Variants in MAGI3 observed in about 807,000 individuals in gnomAD.
MAGI3 encodes the protein membrane-associated guanylate kinase, WW and PDZ domain-containing protein 3.
MAGI3 carries 43 observed loss-of-function variants against 121.8 expected under a neutral mutation model. The ratio of observed to expected loss-of-function variants is 0.35; its 90% CI spans 0.28 to 0.46. The LOEUF is 0.46. MAGI3 is among the 20% of genes least tolerant of loss of function. MAGI3 has a pLI of 1.00. For missense variants in MAGI3, 1,547 were observed against 1,797.3 expected (o/e 0.86, Z 2.52); for synonymous variants, 553 against 639.3 (o/e 0.86, Z 2.04).
chr1:113,640,551 A>G (rs560742858), intron 9 of MAGI3, among the ~76,000 whole-genome samples: 108 of 152,282 alleles, frequency 7.1e-4, no homozygotes, highest in African/African-American at 2.4e-3. Context: ...ATGCAGCCAT[A>G]AAAAGGAATG....
intron 2 of MAGI3, among the ~76,000 whole-genome samples, chr1:113,559,232 TG>T (rs1186926557): frequency 1.3e-5 from 2 of 152,316 alleles, no homozygotes; most frequent in Non-Finnish European, 2.9e-5. Flanking sequence ...ATGGGCTAAA[TG>T]CCCCAATTAA....
At chr1:113,497,272 G>C (rs1656972066) in intron 1 of MAGI3, among the ~76,000 whole-genome samples, 1 of 120,218 alleles carries the variant, frequency 8.3e-6, no homozygotes, top group Admixed American at 9.2e-5. Flanking sequence ...CGCAGAAGAC[G>C]GGTGATTTCT....
chr1:113,625,210 G>GT (rs763336433), intron 9 of MAGI3, among the ~76,000 whole-genome samples: 1 of 152,082 alleles, frequency 6.6e-6, no homozygotes, highest in African/African-American at 2.4e-5. Flanking sequence ...TTTCAGAATT[G>GT]TTTTTTCTAT....
At chr1:113,673,019 CTTGT>C (rs997397730) in intron 18 of MAGI3, among the ~76,000 whole-genome samples, 12 of 152,104 alleles carry the variant, frequency 7.9e-5, no homozygotes, top group African/African-American at 2.7e-4. Context: ...TTGTTTGTTA[CTTGT>C]TTGTTTCCAG....
At chr1:113,444,289 C>CAG (rs1175516854) in intron 1 of MAGI3, among the ~76,000 whole-genome samples, 3 of 152,184 alleles carry the variant, frequency 2.0e-5, no homozygotes, top group Admixed American at 6.5e-5. Context: ...CACAGAGGTG[C>CAG]AGAGAGAGGA....
At chr1:113,533,700 A>G (rs114817385) in intron 1 of MAGI3, among the ~76,000 whole-genome samples, 1,872 of 152,286 alleles carry the variant, frequency 0.012, 17 homozygotes, top group Non-Finnish European at 0.02. Flanking sequence ...AGCGAACGGA[A>G]TACAGATAAC....
At chr1:113,547,014 C>T (rs1317114208) in intron 1 of MAGI3, among the ~76,000 whole-genome samples, 3 of 148,494 alleles carry the variant, frequency 2.0e-5, no homozygotes, top group East Asian at 2.0e-4. Context: ...ACCCAGGAGG[C>T]GGAGGTTGCA....
chr1:113,412,482 CCCA>C (rs1652053885), intron 1 of MAGI3, among the ~76,000 whole-genome samples: 2 of 152,128 alleles, frequency 1.3e-5, no homozygotes, highest in Admixed American at 6.5e-5. Flanking sequence ...AATTTACACT[CCCA>C]CCAATAGTGT....
rs768480913 is a variant in MAGI3, at chr1:113,683,959, T to C, written c.4391T>C (p.Val1464Ala). Residue 1464 changes from valine (V) to alanine (A), a missense_variant, in exon 21 of 21, where the codon GTT becomes GCT. Transcript: ENST00000307546. ...CTGATAACTCCAGGGCCCTGGAAGG[T>C]TCCAAGTGGAAATAAAGTCACAGGC... ...KTLITPGPWK[V>A]PSGNKVTGTI... The C allele has an allele frequency of 1.9e-6, 3 of 1,601,704 alleles. No individual in the cohort carries two copies. Among genetic ancestry groups the C allele is most frequent in the Non-Finnish European group, 8.5e-7 (1 of 1,175,680 alleles).
At chr1:113,410,447 T>C (rs552710753) in intron 1 of MAGI3, among the ~76,000 whole-genome samples, 2 of 152,174 alleles carry the variant, frequency 1.3e-5, no homozygotes, top group Non-Finnish European at 2.9e-5. Flanking sequence ...TATTTTAAAT[T>C]ATTTTGGCTG....
At chr1:113,410,801 A>G (rs1651935337) in intron 1 of MAGI3, among the ~76,000 whole-genome samples, 2 of 152,116 alleles carry the variant, frequency 1.3e-5, no homozygotes, top group Admixed American at 1.3e-4. Context: ...ACCCTGCCTA[A>G]GTAGTTACAT....
At chr1:113,407,943 T>C (rs1482648095) in intron 1 of MAGI3, among the ~76,000 whole-genome samples, 1 of 152,148 alleles carries the variant, frequency 6.6e-6, no homozygotes, top group East Asian at 1.9e-4. Context: ...TTAGGACTTG[T>C]TGGAAAGTAC....
intron 9 of MAGI3, among the ~76,000 whole-genome samples, chr1:113,641,045 A>G (rs1230662): frequency 0.01 from 1,312 of 126,432 alleles, 166 homozygotes; most frequent in African/African-American, 0.039. Context: ...TATATAATAT[A>G]TATGATATAT....
chr1:113,648,164 G>A (rs540314767), intron 12 of MAGI3, among the ~76,000 whole-genome samples: 10 of 151,982 alleles, frequency 6.6e-5, no homozygotes, highest in Non-Finnish European at 1.3e-4. Context: ...CTCGTGATCC[G>A]CCCACCTCGG....
chr1:113,665,363 A>ATG (rs1318743097), intron 16 of MAGI3, among the ~76,000 whole-genome samples: 2 of 151,974 alleles, frequency 1.3e-5, no homozygotes, highest in Middle Eastern at 3.4e-3. Context: ...GGCTGATGAT[A>ATG]TGTGTGTGTG....
At chr1:113,508,763 C>T (rs1349965698) in intron 1 of MAGI3, among the ~76,000 whole-genome samples, 1 of 152,092 alleles carries the variant, frequency 6.6e-6, no homozygotes, top group Non-Finnish European at 1.5e-5. Flanking sequence ...CAAAAGGAAA[C>T]ATCTAAGCTT....
At chr1:113,659,884 T>C (rs967046124) in intron 16 of MAGI3, among the ~76,000 whole-genome samples, 1 of 152,236 alleles carries the variant, frequency 6.6e-6, no homozygotes, top group Non-Finnish European at 1.5e-5. Flanking sequence ...CCATATTCTT[T>C]GTGAATTACA....
intron 19 of MAGI3, among the ~76,000 whole-genome samples, chr1:113,677,442 C>T (rs1241971993): frequency 1.3e-5 from 2 of 152,198 alleles, no homozygotes; most frequent in Non-Finnish European, 1.5e-5. Context: ...CAGTGTGACC[C>T]AGGTATGACC....
At chr1:113,521,444 G>A (rs1570794885) in intron 1 of MAGI3, among the ~76,000 whole-genome samples, 5 of 138,720 alleles carry the variant, frequency 3.6e-5, no homozygotes, top group Admixed American at 3.0e-4. Context: ...GACTTGCTCT[G>A]TCGCCCAGGC....
Sources: allele counts gnomAD v4.1 joint callset (sites outside exome capture counted in the v4.1 genomes callset), GRCh38; gene constraint gnomAD v4.1.1; transcripts MANE v1.5; gene names NCBI Gene and HGNC (gene_info 2026-07-23, HGNC 2026-07-21).